Variants in PXMP2 observed in about 807,000 individuals in gnomAD.
PXMP2 encodes 22 kDa peroxisomal membrane protein.
A neutral mutation model predicts 20.2 loss-of-function variants in PXMP2; 13 were observed. The ratio of observed to expected loss-of-function variants is 0.64; its 90% CI spans 0.42 to 1.02. PXMP2 has a LOEUF of 1.02. Among genes scored for constraint, PXMP2 ranks in the 50% least tolerant of loss-of-function variants. The pLI, the probability that PXMP2 is intolerant of heterozygous loss-of-function variation, is 0.00. For missense variants in PXMP2, 284 were observed against 251.8 expected, an observed-to-expected ratio of 1.13 and a Z score of -0.87; for synonymous variants, 113 against 111.2, an observed-to-expected ratio of 1.02 and a Z score of -0.10.
At chr12:132,689,777 A>G (rs946144173) in intron 1 of PXMP2, among the ~76,000 whole-genome samples, 1 of 152,176 alleles carries the variant, frequency 6.6e-6, no homozygotes, top group Non-Finnish European at 1.5e-5. Context: ...AGTGTCCCCC[A>G]TTGGTTACAT....
intron 2 of PXMP2, among the ~76,000 whole-genome samples, chr12:132,691,306 C>T (rs978876885): frequency 1.3e-5 from 2 of 152,052 alleles, no homozygotes; most frequent in African/African-American, 4.8e-5. Flanking sequence ...CCTTGGCCTC[C>T]CAAAGTGCTG....
intron 3 of PXMP2, among the ~76,000 whole-genome samples, chr12:132,699,757 T>C (rs2043428637): frequency 6.6e-6 from 1 of 152,128 alleles, no homozygotes; most frequent in South Asian, 2.1e-4. Flanking sequence ...ACTTTTTCTT[T>C]ATCCAGTCCT....
chr12:132,698,544 C>A (rs1426130488), intron 3 of PXMP2, among the ~76,000 whole-genome samples: 1 of 152,200 alleles, frequency 6.6e-6, no homozygotes. Flanking sequence ...TTCTCATTAC[C>A]ATTTATTGGG....
rs147827898 is a variant in PXMP2, at chr12:132,695,591, C to T, written c.237-293C>T. Among the ~76,000 whole-genome samples, 279 of 152,294 alleles carry T rather than the reference C, an allele frequency of 1.8e-3. 2 individuals carry two copies. Among genetic ancestry groups the T allele is most frequent in the African/African-American group, 6.4e-3 (267 of 41,566 alleles). ...CCAGGGCCAAGAGTGTTAGCACAGG[C>T]GTGCACACGTGCTGGGACGACCTGG... On this transcript the variant is annotated intron_variant, in intron 2 of 4. Coordinates refer to ENST00000317479, the MANE Select transcript of PXMP2 (RefSeq NM_018663.3).
chr12:132,696,557 G>A lies in PXMP2; in HGVS notation c.399+511G>A, dbSNP rs1204712069. Reference sequence around the variant, plus strand: ...TCACACCTGTAATCCCAGCACTTTGGGAGGGCGAGGCGGGTGGATCACCTG... The same window carrying A: ...TCACACCTGTAATCCCAGCACTTTGAGAGGGCGAGGCGGGTGGATCACCTG... On this transcript the variant is annotated intron_variant, in intron 3 of 4. Transcript: ENST00000317479. This position sits in a 1 kb window ranked among gnomAD's most constrained non-coding sequence, Gnocchi z 4.4. Among the ~76,000 whole-genome samples the A allele has an allele frequency of 1.3e-5, 2 of 151,910 alleles. No individual in the cohort carries two copies. The highest frequency in any genetic ancestry group is 2.9e-5 in the Non-Finnish European group (2 of 67,962).
At chr12:132,691,417 T>A (rs1045501616) in intron 2 of PXMP2, among the ~76,000 whole-genome samples, 3 of 152,226 alleles carry the variant, frequency 2.0e-5, no homozygotes, top group Non-Finnish European at 4.4e-5. Flanking sequence ...ATGTCCAGTT[T>A]CTGAACCACT....
At chr12:132,689,351 A>ATG (rs2043351705) in intron 1 of PXMP2, among the ~76,000 whole-genome samples, 1 of 152,190 alleles carries the variant, frequency 6.6e-6, no homozygotes, top group Admixed American at 6.5e-5. Context: ...AGAAGGTGAC[A>ATG]TTGAACAGGC....
Position 132,696,081 on chromosome 12 carries a change from C to T in PXMP2, c.399+35C>T, listed in dbSNP as rs954240687. 3.2e-6 allele frequency: 5 copies of T among 1,554,396 alleles called. No individual in the cohort carries two copies. Among genetic ancestry groups the T allele is most frequent in the African/African-American group, 1.4e-5 (1 of 73,476 alleles). ...TGCCACAGCACTTACTGCAGCTCTT[C>T]GTTTAGCACAGGGATTCTTCACCTG... On this transcript the variant is annotated intron_variant, in intron 3 of 4. Coordinates refer to ENST00000317479, the MANE Select transcript of PXMP2 (RefSeq NM_018663.3). The surrounding 1 kb of genome is among the most constrained non-coding windows in gnomAD (Gnocchi z 4.4).
At chr12:132,700,733 ATTCT>A (rs1287441430) in intron 3 of PXMP2, among the ~76,000 whole-genome samples, 2 of 151,824 alleles carry the variant, frequency 1.3e-5, no homozygotes, top group African/African-American at 4.8e-5. Context: ...TTAGTCACAA[ATTCT>A]TTGTCTTGGC....
chr12:132,695,599 C>T (rs1040032655), intron 2 of PXMP2, among the ~76,000 whole-genome samples: 2 of 152,184 alleles, frequency 1.3e-5, no homozygotes, highest in African/African-American at 2.4e-5. Context: ...GGCGTGCACA[C>T]GTGCTGGGAC....
intron 1 of PXMP2, chr12:132,688,110 C>T: frequency 5.0e-6 from 1 of 199,184 alleles, no homozygotes; most frequent in Non-Finnish European, 1.0e-5. Flanking sequence ...GCAAGGGGAG[C>T]GGGTCCGCAG....
intron 3 of PXMP2, 100 bp from the exon 4 acceptor site, chr12:132,701,150 C>G (rs2043437602): frequency 6.6e-7 from 1 of 1,523,834 alleles, no homozygotes; most frequent in Admixed American, 1.9e-5. Context: ...GAACAAAATC[C>G]AATAGCAGTT....
chr12:132,701,179 G>C lies in PXMP2; in HGVS notation c.400-71G>C, dbSNP rs868127961. 5.6e-6 allele frequency: 9 copies of C among 1,594,652 alleles called. No homozygotes were observed. In the Middle Eastern group the frequency reaches 1.3e-3, roughly 237 times the overall value. On this transcript the variant is annotated intron_variant, in intron 3 of 4. Transcript: ENST00000317479. Reference sequence around the variant, plus strand: ...AGCAGTTTAAAAACCATCACGATAGGGTCTGGGTGCCCGGAATTCAGTTCT... The same window carrying C: ...AGCAGTTTAAAAACCATCACGATAGCGTCTGGGTGCCCGGAATTCAGTTCT...
chr12:132,697,874 C>T (rs1463651323), intron 3 of PXMP2, among the ~76,000 whole-genome samples: 2 of 152,200 alleles, frequency 1.3e-5, no homozygotes, highest in East Asian at 3.8e-4. Context: ...GAATCCAACG[C>T]ATGGGAGGCG....
chr12:132,699,879 G>T (rs1000334479), intron 3 of PXMP2, among the ~76,000 whole-genome samples: 1 of 152,066 alleles, frequency 6.6e-6, no homozygotes, highest in Non-Finnish European at 1.5e-5. Context: ...TTGGGTAGAG[G>T]CCCAGTAGTG....
Position 132,704,620 on chromosome 12 carries a change from T to C in PXMP2, c.521T>C (p.Phe174Ser), listed in dbSNP as rs1218890529. ...CTGTTGGACTGTTCTTTTCGGCAGTTCCGGGTGCTCTTCGCCAACCTGGCA... is the reference window on the plus strand; with the variant it reads ...CTGTTGGACTGTTCTTTTCGGCAGTCCCGGGTGCTCTTCGCCAACCTGGCA... ...FININYVPLK[F>S]RVLFANLAAL... Residue 174 changes from phenylalanine (F) to serine (S), a missense_variant and splice_region_variant, in exon 5 of 5, where the codon TTC becomes TCC. Physicochemically the swap from Phe to Ser is radical, Grantham distance 155. Coordinates refer to ENST00000317479, the MANE Select transcript of PXMP2 (RefSeq NM_018663.3). 1 of 1,451,376 alleles carries C rather than the reference T, an allele frequency of 6.9e-7. No individual in the cohort carries two copies. Among genetic ancestry groups the C allele is most frequent in the Non-Finnish European group, 9.1e-7 (1 of 1,096,052 alleles). 89.9% of individuals were successfully genotyped at this position (1,451,376 alleles called of 1,614,324 possible).
At chr12:132,701,174 G>A (rs1320329581) in intron 3 of PXMP2, 76 bp from the exon 4 acceptor site, 19 of 1,582,536 alleles carry the variant, frequency 1.2e-5, no homozygotes, top group East Asian at 2.2e-5. Context: ...AAACCATCAC[G>A]ATAGGGTCTG....
At chr12:132,695,393 C>T (rs1402087703) in intron 2 of PXMP2, among the ~76,000 whole-genome samples, 1 of 152,202 alleles carries the variant, frequency 6.6e-6, no homozygotes, top group Non-Finnish European at 1.5e-5. Flanking sequence ...GCTCCACAAC[C>T]AGGGACATGT....
At chr12:132,692,988 C>T (rs2043381280) in intron 2 of PXMP2, among the ~76,000 whole-genome samples, 1 of 77,850 alleles carries the variant, frequency 1.3e-5, no homozygotes, top group African/African-American at 4.1e-5. Context: ...TAGTGAGCTC[C>T]CTTGCCAGTT....
Sources: gnomAD v4.1 joint callset for allele counts (sites outside exome capture counted in the v4.1 genomes callset) on GRCh38, gnomAD v4.1.1 for gene constraint, Gnocchi (gnomAD v3.1) non-coding constraint, MANE v1.5 for transcripts, NCBI Gene and HGNC (gene_info 2026-07-23, HGNC 2026-07-21) for gene names.